The following DAB1 variants were observed in gnomAD, a reference collection of about 807,000 sequenced individuals.
DAB1 encodes disabled homolog 1.
Under a neutral mutation model 64.6 loss-of-function variants are expected in DAB1, and 15 were observed. That is an observed-to-expected ratio of 0.23 (90% CI 0.16 to 0.36). DAB1 has a LOEUF of 0.36. Among genes scored for constraint, DAB1 ranks in the 10% least tolerant of loss-of-function variants. The probability of loss-of-function intolerance (pLI) is 1.00; values close to 1 mark genes in which losing one functional copy is unlikely to be tolerated. For synonymous variants in DAB1, 235 were observed against 251.9 expected (o/e 0.93, Z 0.64); for missense variants, 596 against 706.7 (o/e 0.84, Z 1.78).
At chr1:58,451,657 G>T (rs1201909096) in intron 3 of DAB1, among the ~76,000 whole-genome samples, 1 of 152,034 alleles carries the variant, frequency 6.6e-6, no homozygotes, top group Admixed American at 6.6e-5. Flanking sequence ...AAAGATAAAG[G>T]ACAAGAAAAG....
chr1:58,108,235 C>A (rs1261169077), intron 5 of DAB1, among the ~76,000 whole-genome samples: 3 of 152,156 alleles, frequency 2.0e-5, no homozygotes, highest in Non-Finnish European at 4.4e-5. Context: ...GAGACTGAAG[C>A]TGTAGGGAGG....
intron 5 of DAB1, among the ~76,000 whole-genome samples, chr1:57,988,042 G>C (rs1646266036): frequency 6.6e-6 from 1 of 152,122 alleles, no homozygotes; most frequent in African/African-American, 2.4e-5. Flanking sequence ...TCCCTACTGA[G>C]CTTGGGGCCA....
At chr1:57,753,296 C>T (rs1034841711) in intron 6 of DAB1, among the ~76,000 whole-genome samples, 2 of 152,166 alleles carry the variant, frequency 1.3e-5, no homozygotes, top group African/African-American at 4.8e-5. Context: ...AATGTACCTG[C>T]TACCCTCGAC....
intron 4 of DAB1, among the ~76,000 whole-genome samples, chr1:57,133,520 G>A (rs748778330): frequency 6.6e-6 from 1 of 152,044 alleles, no homozygotes; most frequent in Non-Finnish European, 1.5e-5. Flanking sequence ...CAATATCTAG[G>A]TATCTAAATG....
intron 7 of DAB1, among the ~76,000 whole-genome samples, chr1:57,540,790 T>C (rs1436409491): frequency 6.6e-6 from 1 of 152,014 alleles, no homozygotes; most frequent in East Asian, 1.9e-4. Context: ...GAAAGTAGCG[T>C]GATAGTTACC....
rs141934892 is a variant in DAB1 at position 57,764,461 on chromosome 1, A to G, written n.552-114796T>C. 1.8e-4 allele frequency among the ~76,000 whole-genome samples: 27 copies of G among 152,234 alleles called. No individual in the cohort carries two copies. The East Asian group carries it at 4.8e-3, about 27-fold the overall frequency. ...AACACTTGATATTCTCCCTCCAGCTATTTGAAACTATATATTTACTATAGT... is the reference window on the plus strand; with the variant it reads ...AACACTTGATATTCTCCCTCCAGCTGTTTGAAACTATATATTTACTATAGT... On this transcript the variant is annotated intron_variant and non_coding_transcript_variant, in intron 6 of 20. Coordinates refer to the DAB1 transcript ENST00000485760.
intron 4 of DAB1, among the ~76,000 whole-genome samples, chr1:58,265,918 A>T (rs1661148069): frequency 6.6e-6 from 1 of 152,166 alleles, no homozygotes; most frequent in South Asian, 2.1e-4. Context: ...CCTCTCATCC[A>T]GGAGGTACTC....
chr1:57,161,656 C>G (rs1032546474), intron 2 of DAB1, among the ~76,000 whole-genome samples: 1 of 152,034 alleles, frequency 6.6e-6, no homozygotes, highest in African/African-American at 2.4e-5. Context: ...TTCTTTTAAA[C>G]AAGTGCTTTT....
chr1:57,501,301 G>T (rs568395509), intron 7 of DAB1, among the ~76,000 whole-genome samples: 2 of 152,292 alleles, frequency 1.3e-5, no homozygotes, highest in South Asian at 4.1e-4. Flanking sequence ...GAGAATGGAG[G>T]TACCCCCGTG....
chr1:57,589,311 A>C (rs1570652834), intron 7 of DAB1, among the ~76,000 whole-genome samples: 1 of 152,238 alleles, frequency 6.6e-6, no homozygotes, highest in East Asian at 1.9e-4. Flanking sequence ...AGTAATATTT[A>C]ATTTAAACCA....
At chr1:57,624,643 T>C (rs1328860611) in intron 7 of DAB1, among the ~76,000 whole-genome samples, 40 of 152,224 alleles carry the variant, frequency 2.6e-4, no homozygotes, top group African/African-American at 2.4e-5. Flanking sequence ...GATGACATTA[T>C]GCACTTACAA....
intron 7 of DAB1, among the ~76,000 whole-genome samples, chr1:57,581,359 G>A (rs1645309922): frequency 6.6e-6 from 1 of 152,180 alleles, no homozygotes; most frequent in African/African-American, 2.4e-5. Context: ...AATACTATGA[G>A]CTTCAAAGGA....
intron 6 of DAB1, among the ~76,000 whole-genome samples, chr1:57,804,039 T>C (rs1651250119): frequency 2.0e-5 from 3 of 152,200 alleles, no homozygotes; most frequent in Admixed American, 2.0e-4. Context: ...GTGTCTCCTA[T>C]GGGTTCTAAT....
intron 9 of DAB1, among the ~76,000 whole-genome samples, chr1:57,058,564 A>G (rs963991076): frequency 6.6e-6 from 1 of 152,236 alleles, no homozygotes; most frequent in Non-Finnish European, 1.5e-5. Flanking sequence ...GGTATGGAGT[A>G]AAAGTGACAA....
intron 5 of DAB1, among the ~76,000 whole-genome samples, chr1:57,976,947 C>A (rs530161778): frequency 6.6e-5 from 10 of 152,288 alleles, no homozygotes; most frequent in African/African-American, 2.2e-4. Flanking sequence ...TGGATTACCA[C>A]AATAAGATGC....
chr1:57,821,002 G>T (rs1652092150), intron 6 of DAB1, among the ~76,000 whole-genome samples: 1 of 151,958 alleles, frequency 6.6e-6, no homozygotes, highest in Non-Finnish European at 1.5e-5. Context: ...TCTAAGCCTG[G>T]CCAACACTTT....
At chr1:58,277,558 GA>G (rs1352081944) in intron 4 of DAB1, among the ~76,000 whole-genome samples, 1 of 152,100 alleles carries the variant, frequency 6.6e-6, no homozygotes, top group Non-Finnish European at 1.5e-5. Context: ...GGATCCACTT[GA>G]ATTCAATCCT....
intron 6 of DAB1, among the ~76,000 whole-genome samples, chr1:57,731,953 G>A (rs988646709): frequency 6.6e-6 from 1 of 152,106 alleles, no homozygotes; most frequent in Non-Finnish European, 1.5e-5. Flanking sequence ...ATCCGAGCAA[G>A]GGACCAACTG....
intron 7 of DAB1, among the ~76,000 whole-genome samples, chr1:57,615,166 G>A (rs914395077): frequency 7.2e-5 from 11 of 152,010 alleles, no homozygotes; most frequent in South Asian, 2.1e-4. Flanking sequence ...CACTGCGCCC[G>A]GCCTCTGTCT....
Sources: allele counts gnomAD v4.1 joint callset (sites outside exome capture counted in the v4.1 genomes callset), GRCh38; gene constraint gnomAD v4.1.1; transcripts MANE v1.5; gene names NCBI Gene and HGNC (gene_info 2026-07-23, HGNC 2026-07-21).